GRIA4: variants seen among roughly 807,000 people sequenced by gnomAD.
GRIA4 encodes the protein glutamate ionotropic receptor AMPA type subunit 4, also known as glutamate receptor 4.
In GRIA4, 34 loss-of-function variants were observed where a neutral mutation model predicts 104.0. That is an observed-to-expected ratio of 0.33 (90% confidence interval 0.25 to 0.44). The LOEUF (loss-of-function observed/expected upper bound fraction) is 0.44. Among genes scored for constraint, GRIA4 ranks in the 20% least tolerant of loss-of-function variants. The pLI, the probability that GRIA4 is intolerant of heterozygous loss-of-function variation, is 1.00. For synonymous variants in GRIA4, 386 were observed against 381.9 expected, an observed-to-expected ratio of 1.01 and a Z score of -0.13; for missense variants, 750 against 1,096.5, an observed-to-expected ratio of 0.68 and a Z score of 4.46.
chr11:105,953,867 T>C (rs1317347446), intron 14 of GRIA4, among the ~76,000 whole-genome samples: 5 of 152,098 alleles, frequency 3.3e-5, no homozygotes, highest in South Asian at 2.1e-4. Flanking sequence ...GGAAAGAACA[T>C]AGTTGCTAGC....
intron 4 of GRIA4, among the ~76,000 whole-genome samples, chr11:105,780,575 A>G (rs1941681940): frequency 6.6e-6 from 1 of 152,196 alleles, no homozygotes; most frequent in Non-Finnish European, 1.5e-5. Flanking sequence ...GACTAAAACT[A>G]AATATTCCAA....
chr11:105,793,844 T>C (rs1360263782), intron 4 of GRIA4, among the ~76,000 whole-genome samples: 1 of 152,158 alleles, frequency 6.6e-6, no homozygotes, highest in Non-Finnish European at 1.5e-5. Context: ...TCTTGCCAAC[T>C]GTCCAAAAAT....
At chr11:105,878,403 C>T (rs747267085) in intron 5 of GRIA4, among the ~76,000 whole-genome samples, 6 of 152,182 alleles carry the variant, frequency 3.9e-5, no homozygotes, top group Admixed American at 6.5e-5. Flanking sequence ...CAGGGACCCA[C>T]GTGAGGAGGC....
intron 4 of GRIA4, among the ~76,000 whole-genome samples, chr11:105,836,557 C>T (rs369081461): frequency 9.9e-5 from 15 of 152,146 alleles, no homozygotes; most frequent in African/African-American, 3.6e-4. Flanking sequence ...CTTTCCTCCC[C>T]TTAGGCTTCA....
At chr11:105,849,912 T>C (rs923850658) in intron 4 of GRIA4, among the ~76,000 whole-genome samples, 2 of 152,234 alleles carry the variant, frequency 1.3e-5, no homozygotes, top group Non-Finnish European at 2.9e-5. Flanking sequence ...AATTACTTAA[T>C]GTATTTTCTG....
intron 3 of GRIA4, among the ~76,000 whole-genome samples, chr11:105,722,740 G>A (rs998417028): frequency 6.6e-6 from 1 of 151,692 alleles, no homozygotes; most frequent in Non-Finnish European, 1.5e-5. Flanking sequence ...ACATATAATG[G>A]TATATGTATT....
At chr11:105,800,526 G>A (rs1255604856) in intron 4 of GRIA4, among the ~76,000 whole-genome samples, 2 of 151,820 alleles carry the variant, frequency 1.3e-5, no homozygotes, top group Non-Finnish European at 2.9e-5. Context: ...TAGGGGACAA[G>A]GATTGTTTCT....
chr11:105,900,863 C>T (rs956062787), intron 7 of GRIA4, among the ~76,000 whole-genome samples: 3 of 152,158 alleles, frequency 2.0e-5, no homozygotes, highest in Admixed American at 2.0e-4. Flanking sequence ...CAGGCATGAG[C>T]CACTGCGCCT....
intron 4 of GRIA4, among the ~76,000 whole-genome samples, chr11:105,772,220 A>C (rs934253331): frequency 5.3e-5 from 8 of 152,158 alleles, no homozygotes; most frequent in African/African-American, 1.9e-4. Context: ...ATGTTTAGTG[A>C]ATACCATAAA....
chr11:105,916,110 G>T (rs942778779), intron 10 of GRIA4, among the ~76,000 whole-genome samples: 1 of 152,188 alleles, frequency 6.6e-6, no homozygotes, highest in Non-Finnish European at 1.5e-5. Flanking sequence ...CTTGAACCCG[G>T]AAGGCAGAGG....
intron 4 of GRIA4, among the ~76,000 whole-genome samples, chr11:105,801,979 A>T (rs1420921960): frequency 2.6e-5 from 4 of 152,136 alleles, no homozygotes; most frequent in Admixed American, 2.6e-4. Context: ...CTGGGATGCC[A>T]ATTTGAGCAG....
At chr11:105,861,077 C>T (rs1945205893) in intron 4 of GRIA4, among the ~76,000 whole-genome samples, 1 of 152,032 alleles carries the variant, frequency 6.6e-6, no homozygotes, top group Admixed American at 6.6e-5. Flanking sequence ...CAGCTTCTGC[C>T]TTAACCCAGG....
intron 3 of GRIA4, among the ~76,000 whole-genome samples, chr11:105,661,062 A>G (rs1951993929): frequency 2.6e-5 from 3 of 114,314 alleles, no homozygotes; most frequent in Non-Finnish European, 2.0e-5. Context: ...AGCAAACGCT[A>G]GAAGCCCTAA....
intron 3 of GRIA4, among the ~76,000 whole-genome samples, chr11:105,691,252 T>C (rs531697348): frequency 7.9e-5 from 12 of 152,266 alleles, no homozygotes; most frequent in African/African-American, 2.9e-4. Context: ...CCCAGTTAGA[T>C]AGATTGATAT....
chr11:105,791,689 A>G (rs1802268638), intron 4 of GRIA4, among the ~76,000 whole-genome samples: 1 of 152,052 alleles, frequency 6.6e-6, no homozygotes, highest in South Asian at 2.1e-4. Context: ...GTTCAAAAGG[A>G]ATGACCTAGC....
intron 3 of GRIA4, among the ~76,000 whole-genome samples, chr11:105,645,469 C>A (rs1270767489): frequency 6.6e-6 from 1 of 152,152 alleles, no homozygotes; most frequent in Non-Finnish European, 1.5e-5. Flanking sequence ...AAAATTCCGA[C>A]AGCATCTGTT....
At chr11:105,912,133 G>T in intron 10 of GRIA4, 1 of 1,062,588 alleles carries the variant, frequency 9.4e-7, no homozygotes, top group Non-Finnish European at 1.1e-6. Context: ...TGTTGACAAA[G>T]AATCACTTAG....
Position 105,697,001 on chromosome 11 carries a change from T to C in GRIA4, c.248-55980T>C, listed in dbSNP as rs112807593. ...CTGATCTTGAACTCCTGACCTCAGG[T>C]TATCTGTCTGCTTTGGCCTCCCAAA... is the stretch of plus-strand genomic sequence containing the variant. On this transcript the variant is annotated intron_variant, in intron 3 of 16. Coordinates refer to ENST00000282499, the MANE Select transcript of GRIA4 (RefSeq NM_000829.4). Among the ~76,000 whole-genome samples, 1,096 of 152,258 alleles carry C rather than the reference T, an allele frequency of 7.2e-3. 13 individuals carry two copies. Among genetic ancestry groups the C allele is most frequent in the African/African-American group, 0.025 (1,032 of 41,550 alleles).
chr11:105,766,376 G>T (rs1940941928), intron 4 of GRIA4, among the ~76,000 whole-genome samples: 1 of 152,164 alleles, frequency 6.6e-6, no homozygotes, highest in African/African-American at 2.4e-5. Context: ...ATGCATGGTA[G>T]TTGAAGTTAA....
Sources: gnomAD v4.1 joint callset for allele counts (sites outside exome capture counted in the v4.1 genomes callset) on GRCh38, gnomAD v4.1.1 for gene constraint, MANE v1.5 for transcripts, NCBI Gene and HGNC (gene_info 2026-07-23, HGNC 2026-07-21) for gene names.